EYS: variants seen among roughly 807,000 people sequenced by gnomAD.
EYS encodes the protein EGF-like photoreceptor maintenance factor.
Under a neutral mutation model 282.1 loss-of-function variants are expected in EYS, and 250 were observed. The observed-to-expected ratio is 0.89, with a 90% CI of 0.80 to 0.98. The LOEUF is 0.98. EYS is among the 50% of genes least tolerant of loss of function. The probability of loss-of-function intolerance (pLI) is 0.00; values close to 1 mark genes in which losing one functional copy is unlikely to be tolerated. For synonymous variants in EYS, 1,355 were observed against 1,282.9 expected, an observed-to-expected ratio of 1.06 and a Z score of -1.20; for missense variants, 4,016 against 3,709.0, an observed-to-expected ratio of 1.08 and a Z score of -2.15.
chr6:64,296,565 TATATATATATATATATATACA>T lies in EYS; in HGVS notation c.6191+10384_6191+10404del, dbSNP rs1769007157. On this transcript the variant is annotated intron_variant, in intron 30 of 42. Transcript: ENST00000503581. ...GAATATATATATATATATATATATA[TATATATATATATATATATACA>T]TATATATATATATTTTTTTTTTTTT... 8.1e-4 allele frequency among the ~76,000 whole-genome samples: 6 copies of T among 7,448 alleles called. 1 individual carries two copies. Among genetic ancestry groups the T allele is most frequent in the African/African-American group, 3.1e-3 (6 of 1,910 alleles). The allele number at this position is 7,448 out of a possible 152,430, so 4.9% of individuals were successfully genotyped here. A position where few individuals can be genotyped will look rare whatever the true frequency, so the allele number is the denominator to read the frequency against.
intron 5 of EYS, among the ~76,000 whole-genome samples, chr6:65,425,683 T>A (rs890929013): frequency 1.3e-5 from 2 of 152,122 alleles, no homozygotes; most frequent in African/African-American, 4.8e-5. Context: ...AGGCTAAGAA[T>A]CCTTTTATTA....
chr6:65,275,335 A>G (rs1768017425), intron 12 of EYS, among the ~76,000 whole-genome samples: 7 of 152,216 alleles, frequency 4.6e-5, no homozygotes, highest in Admixed American at 4.6e-4. Context: ...TGAGTTTCCC[A>G]TAATGAATTA....
At chr6:65,233,500 T>C (rs1207355311) in intron 12 of EYS, among the ~76,000 whole-genome samples, 6 of 152,190 alleles carry the variant, frequency 3.9e-5, no homozygotes, top group African/African-American at 1.4e-4. Context: ...AGCTATTTAT[T>C]GTTGAAACAT....
intron 22 of EYS, among the ~76,000 whole-genome samples, chr6:64,700,077 A>G (rs190726125): frequency 6.6e-6 from 1 of 152,198 alleles, no homozygotes; most frequent in East Asian, 1.9e-4. Context: ...GGATGGGTCA[A>G]TATACACAAA....
chr6:64,329,342 C>T (rs573340020), intron 29 of EYS, among the ~76,000 whole-genome samples: 8 of 152,144 alleles, frequency 5.3e-5, no homozygotes, highest in Admixed American at 3.3e-4. Flanking sequence ...GAGATTTGCT[C>T]CAGAAATTGC....
At chr6:64,300,094 C>T (rs1165208109) in intron 30 of EYS, among the ~76,000 whole-genome samples, 2 of 152,144 alleles carry the variant, frequency 1.3e-5, no homozygotes, top group East Asian at 1.9e-4. Context: ...AAGGGGAGTT[C>T]TTAGCCTACC....
intron 2 of EYS, among the ~76,000 whole-genome samples, chr6:65,627,451 C>T (rs139174916): frequency 0.028 from 4,322 of 152,246 alleles, 92 homozygotes; most frequent in Non-Finnish European, 0.04. Context: ...CTTCGGCCGC[C>T]GCTGCACTGT....
chr6:65,311,108 T>C (rs563458288), intron 11 of EYS, among the ~76,000 whole-genome samples: 9 of 152,226 alleles, frequency 5.9e-5, no homozygotes, highest in African/African-American at 2.2e-4. Flanking sequence ...TATCTATAAA[T>C]ACTACACTTG....
intron 24 of EYS, among the ~76,000 whole-genome samples, chr6:64,609,380 A>G (rs571706222): frequency 6.6e-6 from 1 of 152,272 alleles, no homozygotes; most frequent in East Asian, 1.9e-4. Context: ...ATGTGCAAAG[A>G]CACACAGCCA....
chr6:65,204,910 T>C (rs1166719322), intron 12 of EYS, among the ~76,000 whole-genome samples: 2 of 118,072 alleles, frequency 1.7e-5, no homozygotes, highest in Non-Finnish European at 3.6e-5. Flanking sequence ...AGAATGTATT[T>C]ATATATTCTT....
At chr6:64,984,767 A>G (rs1413633797) in intron 14 of EYS, among the ~76,000 whole-genome samples, 1 of 151,404 alleles carries the variant, frequency 6.6e-6, no homozygotes. Context: ...TAGTGAACTT[A>G]TTTCTGTGAT....
At chr6:65,133,434 T>C (rs1235515506) in intron 12 of EYS, among the ~76,000 whole-genome samples, 1 of 151,894 alleles carries the variant, frequency 6.6e-6, no homozygotes, top group Non-Finnish European at 1.5e-5. Flanking sequence ...AGATACATAG[T>C]CCAATGGAAA....
In EYS at chr6:64,591,783, C is replaced by G; in HGVS notation, c.4084G>C (p.Val1362Leu). Residue 1362 changes from valine to leucine, a missense_variant, in exon 26 of 43, where the codon GTC becomes CTC. By Grantham distance (32) the Val-to-Leu change is conservative. Coordinates refer to ENST00000503581, the MANE Select transcript of EYS (RefSeq NM_001142800.2). ...NFGIRDPAQIVQDKTSVSHMP... is the reference protein window; with the variant it reads ...NFGIRDPAQILQDKTSVSHMP... The stretch of plus-strand genomic sequence containing the variant: ...TGTGATACCGATGTTTTGTCCTGGA[C>G]AATTTGTGCTGGGTCACGAATACCA... 1 of 1,551,268 alleles carries G rather than the reference C, an allele frequency of 6.4e-7. No homozygotes were observed. Among genetic ancestry groups the G allele is most frequent in the Non-Finnish European group, 8.7e-7 (1 of 1,146,728 alleles).
At chr6:64,073,553 G>A (rs1771664190) in intron 32 of EYS, among the ~76,000 whole-genome samples, 1 of 151,676 alleles carries the variant, frequency 6.6e-6, no homozygotes, top group South Asian at 2.1e-4. Context: ...TTTTAGAAGG[G>A]AAAAGTTAGT....
intron 31 of EYS, among the ~76,000 whole-genome samples, chr6:64,199,747 A>G (rs1454565502): frequency 6.6e-6 from 1 of 152,160 alleles, no homozygotes; most frequent in Admixed American, 6.5e-5. Context: ...AAAATCAAAA[A>G]ATGAGCAAAG....
chr6:65,316,069 CT>C, intron 11 of EYS, among the ~76,000 whole-genome samples: 1 of 152,112 alleles, frequency 6.6e-6, no homozygotes, highest in Admixed American at 6.5e-5. Context: ...GTATTTCCTT[CT>C]TTTTTCTATT....
At chr6:64,376,384 T>C (rs1177265850) in intron 29 of EYS, among the ~76,000 whole-genome samples, 1 of 152,126 alleles carries the variant, frequency 6.6e-6, no homozygotes, top group Non-Finnish European at 1.5e-5. Flanking sequence ...ATTACAACCC[T>C]GAGGATAAAT....
intron 36 of EYS, among the ~76,000 whole-genome samples, chr6:63,846,611 G>A (rs1353220456): frequency 6.6e-6 from 1 of 152,226 alleles, no homozygotes; most frequent in Non-Finnish European, 1.5e-5. Flanking sequence ...CCTGCCAGGT[G>A]TTTAATCAAG....
At chr6:64,377,412 A>G (rs1182663390) in intron 29 of EYS, among the ~76,000 whole-genome samples, 1 of 152,196 alleles carries the variant, frequency 6.6e-6, no homozygotes, top group African/African-American at 2.4e-5. Flanking sequence ...TGTTATTTGT[A>G]GTGAGGCAGT....
Sources: allele counts gnomAD v4.1 joint callset (sites outside exome capture counted in the v4.1 genomes callset), GRCh38; gene constraint gnomAD v4.1.1; transcripts MANE v1.5; gene names NCBI Gene and HGNC (gene_info 2026-07-23, HGNC 2026-07-21).